RTL4: variants seen among roughly 807,000 people sequenced by gnomAD.
RTL4 encodes retrotransposon Gag like 4, also known as retrotransposon Gag-like protein 4.
RTL4 carries 4 observed loss-of-function variants against 5.3 expected under a neutral mutation model. The ratio of observed to expected loss-of-function variants is 0.75; its 90% confidence interval spans 0.37 to 1.72. The LOEUF is 1.72. Ranked by LOEUF, RTL4 falls within the 40% of genes most tolerant of loss-of-function variation. RTL4 has a pLI of 0.04. For missense variants in RTL4, 260 were observed against 227.1 expected, an observed-to-expected ratio of 1.14 and a Z score of -0.93; for synonymous variants, 98 against 87.3, an observed-to-expected ratio of 1.12 and a Z score of -0.68.
chrX:112,170,256 T>C, the RTL4 span, among the ~76,000 whole-genome samples: 1 of 112,240 alleles, frequency 8.9e-6, no homozygotes, highest in Non-Finnish European at 1.9e-5. Context: ...CTTTTTGATA[T>C]CATATGAATT....
the RTL4 span, among the ~76,000 whole-genome samples, chrX:112,270,448 C>A: frequency 9.0e-6 from 1 of 111,583 alleles, no homozygotes; most frequent in African/African-American, 3.3e-5. Context: ...GTCTTTAATG[C>A]CTTTTCTCAG....
chrX:112,159,558 G>C, the RTL4 span, among the ~76,000 whole-genome samples: 1 of 112,137 alleles, frequency 8.9e-6, no homozygotes, highest in Non-Finnish European at 1.9e-5. Context: ...AGTAAACCCA[G>C]AAGCTCAGTT....
the RTL4 span, among the ~76,000 whole-genome samples, chrX:112,308,160 G>A: frequency 9.0e-6 from 1 of 111,390 alleles, no homozygotes; most frequent in Admixed American, 9.7e-5. Flanking sequence ...ACTGCAACTA[G>A]AATGGGGTGA....
the RTL4 span, among the ~76,000 whole-genome samples, chrX:112,130,708 A>G: frequency 5.8e-3 from 644 of 110,535 alleles, no homozygotes; most frequent in African/African-American, 0.02. Flanking sequence ...TTTTTACTCA[A>G]TATATTCTAC....
the RTL4 span, among the ~76,000 whole-genome samples, chrX:112,225,024 G>A: frequency 8.9e-6 from 1 of 111,947 alleles, no homozygotes; most frequent in Non-Finnish European, 1.9e-5. Flanking sequence ...ACCCCAGCAG[G>A]TAATTACTAA....
the RTL4 span, among the ~76,000 whole-genome samples, chrX:112,400,094 G>A: frequency 5.6e-4 from 62 of 110,584 alleles, no homozygotes; most frequent in African/African-American, 1.9e-3. Flanking sequence ...GGGTTTTTGA[G>A]CTTCTTATAT....
the RTL4 span, among the ~76,000 whole-genome samples, chrX:112,314,855 G>T: frequency 9.0e-6 from 1 of 111,128 alleles, no homozygotes; most frequent in Non-Finnish European, 1.9e-5. Context: ...AGTCCCTTTT[G>T]GTGATTTGAT....
At chrX:112,100,486 A>G in the RTL4 span, among the ~76,000 whole-genome samples, 1 of 112,224 alleles carries the variant, frequency 8.9e-6, no homozygotes, top group African/African-American at 3.2e-5. Context: ...TATAAAACAA[A>G]GACTGTTACA....
chrX:112,370,457 T>C, the RTL4 span, among the ~76,000 whole-genome samples: 2 of 112,078 alleles, frequency 1.8e-5, no homozygotes, highest in Admixed American at 1.9e-4. Context: ...CAGGCTAATA[T>C]AATGATTGTT....
chrX:112,132,019 A>G, the RTL4 span, among the ~76,000 whole-genome samples: 1 of 111,931 alleles, frequency 8.9e-6, no homozygotes, highest in Non-Finnish European at 1.9e-5. Flanking sequence ...TTAAGAAACT[A>G]GCTCCAAGGA....
At chrX:112,292,947 C>T in the RTL4 span, among the ~76,000 whole-genome samples, 2 of 112,144 alleles carry the variant, frequency 1.8e-5, no homozygotes, top group Admixed American at 1.9e-4. Flanking sequence ...TTCCCAAGAA[C>T]ATATCTACTG....
At chrX:112,365,539 G>A in the RTL4 span, among the ~76,000 whole-genome samples, 14 of 111,212 alleles carry the variant, frequency 1.3e-4, no homozygotes, top group Middle Eastern at 4.7e-3. Flanking sequence ...AATACTTTTT[G>A]ACCAAGTTAC....
At chrX:112,405,803 A>C in the RTL4 span, among the ~76,000 whole-genome samples, 2 of 110,928 alleles carry the variant, frequency 1.8e-5, no homozygotes, top group Non-Finnish European at 3.8e-5. Flanking sequence ...TTTTAACTTC[A>C]TATCACTGAA....
At chrX:112,131,729 G>A in the RTL4 span, among the ~76,000 whole-genome samples, 1 of 110,637 alleles carries the variant, frequency 9.0e-6, no homozygotes, top group African/African-American at 3.3e-5. Flanking sequence ...GAGAAAGGGA[G>A]AAATTGGAAA....
chrX:112,090,935 T>G, the RTL4 span, among the ~76,000 whole-genome samples: 5 of 111,569 alleles, frequency 4.5e-5, no homozygotes, highest in Non-Finnish European at 9.5e-5. Flanking sequence ...ACCTTACTTG[T>G]TATAGATATT....
chrX:112,227,054 A>G, the RTL4 span, among the ~76,000 whole-genome samples: 3 of 111,560 alleles, frequency 2.7e-5, no homozygotes, highest in Non-Finnish European at 3.8e-5. Flanking sequence ...AGCTTTCCCC[A>G]TAAATACTGT....
At chrX:112,293,615 G>T in the RTL4 span, among the ~76,000 whole-genome samples, 1 of 111,979 alleles carries the variant, frequency 8.9e-6, no homozygotes, top group African/African-American at 3.3e-5. Context: ...AGTTGGGATG[G>T]TTCTTAGTTA....
At chrX:112,414,408 T>A in the RTL4 span, among the ~76,000 whole-genome samples, 1 of 111,750 alleles carries the variant, frequency 8.9e-6, no homozygotes, top group East Asian at 2.8e-4. Flanking sequence ...GCCTTTCCAT[T>A]TCAAAATCAC....
the RTL4 span, among the ~76,000 whole-genome samples, chrX:112,307,971 G>A: frequency 4.5e-5 from 5 of 111,541 alleles, no homozygotes; most frequent in South Asian, 1.5e-3. Context: ...ATGAGGAAAC[G>A]GAGGTTCAAA....
Sources: gnomAD v4.1 joint callset for allele counts (sites outside exome capture counted in the v4.1 genomes callset) on GRCh38, gnomAD v4.1.1 for gene constraint, MANE v1.5 for transcripts, NCBI Gene and HGNC (gene_info 2026-07-23, HGNC 2026-07-21) for gene names.